CCDC171: variants seen among roughly 807,000 people sequenced by gnomAD.
CCDC171 encodes the protein coiled-coil domain containing 171, also known as coiled-coil domain-containing protein 171.
CCDC171 carries 177 observed loss-of-function variants against 168.2 expected under a neutral mutation model. The observed-to-expected ratio is 1.05, with a 90% CI of 0.93 to 1.19. CCDC171 has a LOEUF of 1.19. Ranked by LOEUF, CCDC171 falls within the 50% of genes most tolerant of loss-of-function variation. The pLI is 0.00. For synonymous variants in CCDC171, 687 were observed against 540.8 expected, an observed-to-expected ratio of 1.27 and a Z score of -3.75; for missense variants, 1,991 against 1,539.0, an observed-to-expected ratio of 1.29 and a Z score of -4.91.
chr9:15,564,170 A>G, intron 2 of CCDC171, 41 bp downstream of exon 2: 1 of 1,485,688 alleles, frequency 6.7e-7, no homozygotes, highest in Non-Finnish European at 9.3e-7. Context: ...GAACGTTTTT[A>G]GTTGCAAGGA....
intron 23 of CCDC171, among the ~76,000 whole-genome samples, chr9:15,855,319 T>C (rs1578558): frequency 0.78 from 117,587 of 151,626 alleles, 46,648 homozygotes; most frequent in East Asian, 0.89. Context: ...TTTCTTGCAA[T>C]AATTTTGACT....
the CCDC171 span, among the ~76,000 whole-genome samples, chr9:16,081,845 T>C: frequency 2.6e-5 from 4 of 151,476 alleles, no homozygotes; most frequent in East Asian, 1.9e-4. Context: ...TTACTTCTTA[T>C]TGATTACTTT....
At chr9:16,054,765 C>G (rs1833807269) in intron 1 of CCDC171, among the ~76,000 whole-genome samples, 1 of 152,196 alleles carries the variant, frequency 6.6e-6, no homozygotes. Flanking sequence ...CAGAGCTTCT[C>G]AGGGAAGTGT....
intron 3 of CCDC171, among the ~76,000 whole-genome samples, chr9:16,017,630 G>A (rs1273227256): frequency 6.6e-6 from 1 of 152,106 alleles, no homozygotes; most frequent in African/African-American, 2.4e-5. Context: ...GCAGTGTAGA[G>A]AATACTTGTT....
Position 15,859,751 on chromosome 9 carries a change from C to G in CCDC171, c.3468+10804C>G, listed in dbSNP as rs201398539. On this transcript the variant is annotated intron_variant, in intron 23 of 25. Transcript: ENST00000380701. ...CATAGCTCACTGCAGCCTCAAACCC[C>G]TGGGCTCAAGAGATCCTCCTACCTC... 2.6e-5 allele frequency among the ~76,000 whole-genome samples: 4 copies of G among 151,878 alleles called. No homozygotes were observed. The East Asian group carries it at 7.7e-4, about 29-fold the overall frequency.
intron 11 of CCDC171, among the ~76,000 whole-genome samples, chr9:15,699,266 G>GGTGGGCTC: frequency 6.6e-6 from 1 of 152,242 alleles, no homozygotes; most frequent in Middle Eastern, 3.4e-3. Context: ...CGTTCCTCCC[G>GGTGGGCTC]GTGGGCTCGT....
At chr9:15,926,175 A>G (rs1310354607) in intron 25 of CCDC171, among the ~76,000 whole-genome samples, 3 of 151,784 alleles carry the variant, frequency 2.0e-5, no homozygotes, top group Non-Finnish European at 4.4e-5. Flanking sequence ...ATGTATAGCA[A>G]TTTGACACAT....
chr9:16,002,086 C>T (rs1259897502), intron 3 of CCDC171, among the ~76,000 whole-genome samples: 2 of 151,254 alleles, frequency 1.3e-5, no homozygotes, highest in Non-Finnish European at 2.9e-5. Context: ...CCTCAGCATC[C>T]CAAAATGCTG....
At chr9:15,887,713 TTAAA>T (rs1284177325) in intron 24 of CCDC171, 1 of 152,090 alleles carries the variant, frequency 6.6e-6, no homozygotes, top group African/African-American at 2.4e-5. Flanking sequence ...AAATGAAAAA[TTAAA>T]TAAATTCTCA....
chr9:15,632,462 A>T (rs1353844082), intron 7 of CCDC171, among the ~76,000 whole-genome samples: 1 of 152,126 alleles, frequency 6.6e-6, no homozygotes, highest in East Asian at 1.9e-4. Flanking sequence ...TCCAACTTAC[A>T]AGGGATGTGA....
chr9:15,873,706 T>C (rs533499058), intron 23 of CCDC171, among the ~76,000 whole-genome samples: 89 of 152,204 alleles, frequency 5.8e-4, no homozygotes, highest in African/African-American at 2.1e-3. Flanking sequence ...AACCAAAATA[T>C]CTGTTTTTGA....
chr9:15,685,488 A>C (rs1457993927), intron 10 of CCDC171, among the ~76,000 whole-genome samples: 1 of 151,988 alleles, frequency 6.6e-6, no homozygotes, highest in Non-Finnish European at 1.5e-5. Context: ...AAAAAAAATG[A>C]GCTGTGCGTG....
chr9:16,025,343 G>A (rs1280306491), intron 6 of CCDC171, among the ~76,000 whole-genome samples: 1 of 152,176 alleles, frequency 6.6e-6, no homozygotes, highest in Non-Finnish European at 1.5e-5. Context: ...TCGGGAGGCT[G>A]AGGCAGGAGA....
intron 8 of CCDC171, among the ~76,000 whole-genome samples, chr9:15,663,024 A>AC (rs61548108): frequency 6.7e-5 from 10 of 149,052 alleles, no homozygotes; most frequent in Non-Finnish European, 1.2e-4. Flanking sequence ...AACAACAACA[A>AC]ATTGCCTGAT....
At chr9:15,668,353 T>C (rs2133200621) in intron 9 of CCDC171, among the ~76,000 whole-genome samples, 1 of 152,320 alleles carries the variant, frequency 6.6e-6, no homozygotes, top group East Asian at 1.9e-4. Context: ...GCAGTTTTTT[T>C]CCTTAAGTTT....
intron 3 of CCDC171, among the ~76,000 whole-genome samples, chr9:16,015,068 T>G (rs1274875447): frequency 1.3e-5 from 2 of 152,186 alleles, no homozygotes; most frequent in African/African-American, 4.8e-5. Flanking sequence ...TATACATATG[T>G]AACTAACCTA....
the CCDC171 span, among the ~76,000 whole-genome samples, chr9:16,081,857 A>T: frequency 2.1e-5 from 3 of 145,358 alleles, no homozygotes; most frequent in South Asian, 2.1e-4. Flanking sequence ...GATTACTTTA[A>T]AAAAAAAAAC....
chr9:15,917,276 C>T (rs1824659185), intron 24 of CCDC171, among the ~76,000 whole-genome samples: 1 of 151,822 alleles, frequency 6.6e-6, no homozygotes, highest in Non-Finnish European at 1.5e-5. Flanking sequence ...TTGAAGGAGA[C>T]TTTTGTTTAG....
At chr9:15,757,988 C>T (rs143314582) in intron 18 of CCDC171, among the ~76,000 whole-genome samples, 5 of 152,244 alleles carry the variant, frequency 3.3e-5, no homozygotes, top group East Asian at 3.9e-4. Flanking sequence ...GGGTGGGGCT[C>T]TTATAGAGAA....
Sources: gnomAD v4.1 joint callset for allele counts (sites outside exome capture counted in the v4.1 genomes callset) on GRCh38, gnomAD v4.1.1 for gene constraint, MANE v1.5 for transcripts, NCBI Gene and HGNC (gene_info 2026-07-23, HGNC 2026-07-21) for gene names.